Variants in SLC12A8 observed in about 807,000 individuals in gnomAD.
SLC12A8 encodes solute carrier family 12 member 8, also known as cation-chloride cotransporter 9.
In SLC12A8, 69 loss-of-function variants were observed where a neutral mutation model predicts 75.6. That is an observed-to-expected ratio of 0.91 (90% CI 0.75 to 1.11). SLC12A8 has a LOEUF of 1.11. SLC12A8 is among the 50% of genes most tolerant of loss of function. SLC12A8 has a pLI of 0.00. For missense variants in SLC12A8, 877 were observed against 896.7 expected, an observed-to-expected ratio of 0.98 and a Z score of 0.28; for synonymous variants, 365 against 372.8, an observed-to-expected ratio of 0.98 and a Z score of 0.24.
chr3:125,120,001 G>C (rs1933006475), intron 7 of SLC12A8: 2 of 419,358 alleles, frequency 4.8e-6, no homozygotes, highest in Admixed American at 2.7e-5. Flanking sequence ...AGGCCTGACG[G>C]CCTGGGGGAG....
chr3:125,116,364 A>G (rs910711304), intron 8 of SLC12A8, among the ~76,000 whole-genome samples: 1 of 152,090 alleles, frequency 6.6e-6, no homozygotes, highest in Non-Finnish European at 1.5e-5. Context: ...AAATCTCCAC[A>G]TTTCATCCCA....
At chr3:125,202,054 C>A (rs1225637438) in intron 2 of SLC12A8, among the ~76,000 whole-genome samples, 2 of 152,120 alleles carry the variant, frequency 1.3e-5, no homozygotes, top group Non-Finnish European at 2.9e-5. Flanking sequence ...ATTACAGGCA[C>A]CTGCCTCCAC....
intron 6 of SLC12A8, among the ~76,000 whole-genome samples, chr3:125,125,120 C>T (rs1316632232): frequency 4.8e-5 from 7 of 145,510 alleles, no homozygotes; most frequent in Admixed American, 3.4e-4. Flanking sequence ...GCATTGAACC[C>T]TTTTTTTTTT....
At chr3:125,194,143 G>GAGGGCA (rs1266513017) in intron 2 of SLC12A8, among the ~76,000 whole-genome samples, 2 of 152,254 alleles carry the variant, frequency 1.3e-5, no homozygotes. Flanking sequence ...AAACATGCCT[G>GAGGGCA]AGGGCAAGAG....
At chr3:125,152,964 A>G (rs574254943) in intron 5 of SLC12A8, among the ~76,000 whole-genome samples, 1 of 152,290 alleles carries the variant, frequency 6.6e-6, no homozygotes, top group East Asian at 1.9e-4. Context: ...TGGGAGGAAG[A>G]AAGAAAGGGA....
At chr3:125,202,484 T>C (rs1389877741) in intron 2 of SLC12A8, among the ~76,000 whole-genome samples, 1 of 152,184 alleles carries the variant, frequency 6.6e-6, no homozygotes. Context: ...CATCTAGGCT[T>C]TCCTTGCAAA....
At chr3:125,103,324 C>T (rs778946372) in intron 10 of SLC12A8, among the ~76,000 whole-genome samples, 6 of 152,056 alleles carry the variant, frequency 3.9e-5, no homozygotes, top group Non-Finnish European at 7.4e-5. Flanking sequence ...AAGAGAAAAA[C>T]CTCTAGATAT....
chr3:125,179,776 G>C (rs1934614027), intron 4 of SLC12A8, among the ~76,000 whole-genome samples: 1 of 152,140 alleles, frequency 6.6e-6, no homozygotes, highest in South Asian at 2.1e-4. Context: ...ATTCATCTCA[G>C]AACTCAAACT....
At chr3:125,118,089 T>G (rs1363384791) in intron 8 of SLC12A8, among the ~76,000 whole-genome samples, 1 of 152,260 alleles carries the variant, frequency 6.6e-6, no homozygotes, top group Non-Finnish European at 1.5e-5. Flanking sequence ...TTTGATTCAT[T>G]GTGGAAGGTG....
intron 6 of SLC12A8, among the ~76,000 whole-genome samples, chr3:125,123,371 GAAAAAAAA>G (rs34868769): frequency 8.7e-5 from 9 of 103,916 alleles, no homozygotes; most frequent in African/African-American, 3.3e-4. Context: ...TCCATCTCAG[GAAAAAAAA>G]AAAAAAAAAA....
intron 9 of SLC12A8, among the ~76,000 whole-genome samples, chr3:125,109,427 T>C (rs1373232809): frequency 6.6e-6 from 1 of 152,164 alleles, no homozygotes; most frequent in Non-Finnish European, 1.5e-5. Flanking sequence ...CAAACTGCAT[T>C]TTTGGAGGAA....
intron 6 of SLC12A8, among the ~76,000 whole-genome samples, chr3:125,121,551 A>T (rs1461822209): frequency 6.6e-6 from 1 of 152,210 alleles, no homozygotes; most frequent in Non-Finnish European, 1.5e-5. Context: ...AACACTTTCA[A>T]ACTGCCTGGG....
chr3:125,103,162 G>A (rs1286688499), intron 10 of SLC12A8, among the ~76,000 whole-genome samples: 1 of 152,046 alleles, frequency 6.6e-6, no homozygotes, highest in Non-Finnish European at 1.5e-5. Context: ...GAATTTGAAG[G>A]CAGGGAATTA....
intron 5 of SLC12A8, among the ~76,000 whole-genome samples, chr3:125,148,039 A>AGAGCAG (rs1289279266): frequency 6.6e-6 from 1 of 152,234 alleles, no homozygotes; most frequent in Non-Finnish European, 1.5e-5. Flanking sequence ...AGAAACAAAG[A>AGAGCAG]GAGCAGGTCA....
intron 5 of SLC12A8, among the ~76,000 whole-genome samples, chr3:125,143,382 G>T (rs1933694350): frequency 5.3e-5 from 8 of 152,262 alleles, no homozygotes; most frequent in Admixed American, 5.2e-4. Context: ...TTTGGAAGAG[G>T]AAATAATGAT....
chr3:125,127,753 T>A (rs1357373310), intron 6 of SLC12A8, among the ~76,000 whole-genome samples: 2 of 152,242 alleles, frequency 1.3e-5, no homozygotes, highest in African/African-American at 4.8e-5. Context: ...ATTGTAATGA[T>A]AATAAGTATT....
intron 2 of SLC12A8, among the ~76,000 whole-genome samples, chr3:125,207,285 A>T (rs9833476): frequency 0.51 from 77,496 of 151,948 alleles, 20,639 homozygotes; most frequent in South Asian, 0.64. Context: ...CTACACTTCA[A>T]GTCTCTGTGG....
intron 5 of SLC12A8, among the ~76,000 whole-genome samples, chr3:125,164,642 G>A (rs1438776826): frequency 6.6e-6 from 1 of 152,234 alleles, no homozygotes. Flanking sequence ...TTGTCTCCAG[G>A]GTCTTGCCGG....
intron 10 of SLC12A8, among the ~76,000 whole-genome samples, chr3:125,098,060 G>T (rs1938760390): frequency 6.6e-6 from 1 of 151,950 alleles, no homozygotes; most frequent in Non-Finnish European, 1.5e-5. Context: ...CATAAAGGAG[G>T]AAACCCCAAT....
Sources: allele counts gnomAD v4.1 joint callset (sites outside exome capture counted in the v4.1 genomes callset), GRCh38; gene constraint gnomAD v4.1.1; transcripts MANE v1.5; gene names NCBI Gene and HGNC (gene_info 2026-07-23, HGNC 2026-07-21).